PLCXD3: variants seen among roughly 807,000 people sequenced by gnomAD.
PLCXD3 encodes phosphatidylinositol specific phospholipase C X domain containing 3.
In PLCXD3, 19 loss-of-function variants were observed where a neutral mutation model predicts 25.5. That is an observed-to-expected ratio of 0.75 (90% confidence interval 0.52 to 1.09). The LOEUF is 1.09. PLCXD3 is among the 50% of genes least tolerant of loss of function. The pLI, the probability that PLCXD3 is intolerant of heterozygous loss-of-function variation, is 0.00. For missense variants in PLCXD3, 411 were observed against 388.1 expected (o/e 1.06, Z -0.50); for synonymous variants, 174 against 137.6 (o/e 1.26, Z -1.85).
In PLCXD3 at chr5:41,311,513, A is replaced by G. The variant is rs1365410548; in HGVS notation, c.*2104T>C. The stretch of plus-strand genomic sequence containing the variant: ...TCAATGTCTTCATTTGAAAAGAAGA[A>G]TTGTACTGTGTCCATATCTGTGTGT... On this transcript the variant is annotated 3_prime_UTR_variant, in exon 3 of 3. Coordinates refer to ENST00000377801, the MANE Select transcript of PLCXD3 (RefSeq NM_001005473.3). 1 of 152,112 alleles carries G rather than the reference A, an allele frequency of 6.6e-6. No homozygotes were observed. Among genetic ancestry groups the G allele is most frequent in the Non-Finnish European group, 1.5e-5 (1 of 67,986 alleles). The allele number at this position is 152,112 out of a possible 1,614,324, so 9.4% of individuals were successfully genotyped here.
chr5:41,475,159 A>G (rs930811867), intron 1 of PLCXD3, among the ~76,000 whole-genome samples: 5 of 152,316 alleles, frequency 3.3e-5, no homozygotes, highest in Admixed American at 2.0e-4. Flanking sequence ...GAAAAGAAAT[A>G]ACAAAATTAT....
At chr5:41,416,851 C>A (rs1189548626) in intron 1 of PLCXD3, among the ~76,000 whole-genome samples, 1 of 152,018 alleles carries the variant, frequency 6.6e-6, no homozygotes, top group Non-Finnish European at 1.5e-5. Context: ...TAGCAGAGCC[C>A]CAGAGTACAA....
chr5:41,474,422 T>C (rs1381393573), intron 1 of PLCXD3, among the ~76,000 whole-genome samples: 2 of 152,240 alleles, frequency 1.3e-5, no homozygotes, highest in African/African-American at 4.8e-5. Flanking sequence ...TTTACTCAGA[T>C]AGCTTCCAAT....
At chr5:41,503,082 C>G (rs1037243458) in intron 1 of PLCXD3, among the ~76,000 whole-genome samples, 23 of 152,156 alleles carry the variant, frequency 1.5e-4, no homozygotes, top group African/African-American at 5.6e-4. Context: ...ACTCTTCTTC[C>G]TCCTCTAAAT....
chr5:41,451,424 C>T (rs1323736041), intron 1 of PLCXD3, among the ~76,000 whole-genome samples: 1 of 151,914 alleles, frequency 6.6e-6, no homozygotes, highest in African/African-American at 2.4e-5. Flanking sequence ...CATTTAAGTG[C>T]CTCTGATTGC....
chr5:41,321,490 A>C lies in PLCXD3; in HGVS notation c.813-7720T>G, dbSNP rs79991013. Among the ~76,000 whole-genome samples the C allele has an allele frequency of 3.4e-3, 521 of 152,336 alleles. 3 individuals carry two copies. The highest frequency in any genetic ancestry group is 0.012 in the African/African-American group (504 of 41,578). On this transcript the variant is annotated intron_variant, in intron 2 of 2. Transcript: ENST00000377801. ...AGATTGAAAGAATCAATACTGTTAA[A>C]GTGTCCATACTACTCAAAGCAGTCT...
At chr5:41,348,893 GAAAATTTGCC>G (rs1022584643) in intron 2 of PLCXD3, among the ~76,000 whole-genome samples, 1 of 152,130 alleles carries the variant, frequency 6.6e-6, no homozygotes, top group Non-Finnish European at 1.5e-5. Context: ...CTGAGCTCTG[GAAAATTTGCC>G]AAAAGAAGTG....
intron 1 of PLCXD3, among the ~76,000 whole-genome samples, chr5:41,488,635 C>A (rs1261753052): frequency 0.011 from 1,517 of 132,234 alleles, 23 homozygotes; most frequent in African/African-American, 0.028. Flanking sequence ...CTGGTGTGAG[C>A]TGGTATCTCA....
chr5:41,469,422 C>G (rs1487973207), intron 1 of PLCXD3, among the ~76,000 whole-genome samples: 1 of 151,322 alleles, frequency 6.6e-6, no homozygotes, highest in African/African-American at 2.4e-5. Context: ...TCTGGAAGAG[C>G]TTCAAAACAT....
chr5:41,455,941 A>G (rs1747742859), intron 1 of PLCXD3, among the ~76,000 whole-genome samples: 1 of 151,970 alleles, frequency 6.6e-6, no homozygotes, highest in Non-Finnish European at 1.5e-5. Flanking sequence ...AAAACAATGC[A>G]TGTAAGATTG....
intron 1 of PLCXD3, among the ~76,000 whole-genome samples, chr5:41,404,074 C>T (rs765056749): frequency 1.3e-5 from 2 of 152,096 alleles, no homozygotes; most frequent in Non-Finnish European, 2.9e-5. Context: ...GCAAATGACT[C>T]ATATAAATTG....
intron 1 of PLCXD3, among the ~76,000 whole-genome samples, chr5:41,459,012 A>G (rs545081388): frequency 9.9e-5 from 15 of 152,038 alleles, no homozygotes; most frequent in Non-Finnish European, 1.8e-4. Flanking sequence ...AGACATTCCT[A>G]TAGAATATTG....
intron 2 of PLCXD3, among the ~76,000 whole-genome samples, chr5:41,315,385 G>A (rs1237564123): frequency 6.6e-6 from 1 of 151,488 alleles, no homozygotes; most frequent in Non-Finnish European, 1.5e-5. Flanking sequence ...GTATAAAAAA[G>A]GTAAGGTAGT....
chr5:41,414,062 A>G (rs1341683065), intron 1 of PLCXD3, among the ~76,000 whole-genome samples: 6 of 152,088 alleles, frequency 3.9e-5, no homozygotes, highest in Non-Finnish European at 7.4e-5. Flanking sequence ...TCTGGGCCTA[A>G]CCAAGCAGTA....
Position 41,382,507 on chromosome 5 carries a change from A to G in PLCXD3, c.131T>C (p.Ile44Thr), listed in dbSNP as rs143853661. ...PGSHDSFSFY[I>T]DEASPVGPEQ... ...AGGACCTACTGGAGAGGCTTCATCA[A>G]TGTAGAAGCTGAAGGAATCATGAGA... The change falls in exon 2 of 3, where the codon ATT becomes ACT. Residue 44 changes from isoleucine to threonine, a missense_variant. By Grantham distance (89) the Ile-to-Thr change is moderately conservative. Coordinates refer to ENST00000377801, the MANE Select transcript of PLCXD3 (RefSeq NM_001005473.3). 3 of 1,601,702 alleles carry G rather than the reference A, an allele frequency of 1.9e-6. No homozygotes were observed. Among genetic ancestry groups the G allele is most frequent in the Admixed American group, 1.7e-5 (1 of 59,414 alleles).
chr5:41,471,077 T>A (rs1050244302), intron 1 of PLCXD3, among the ~76,000 whole-genome samples: 5 of 152,140 alleles, frequency 3.3e-5, no homozygotes, highest in African/African-American at 1.2e-4. Flanking sequence ...GGGGTCAGTG[T>A]ATAAAAAATT....
At chr5:41,505,171 A>G (rs1358625262) in intron 1 of PLCXD3, among the ~76,000 whole-genome samples, 1 of 152,180 alleles carries the variant, frequency 6.6e-6, no homozygotes, top group Admixed American at 6.5e-5. Context: ...GCCTTAACGT[A>G]TGAACATTGT....
At chr5:41,378,693 C>T (rs558194889) in intron 2 of PLCXD3, among the ~76,000 whole-genome samples, 1 of 152,172 alleles carries the variant, frequency 6.6e-6, no homozygotes, top group East Asian at 1.9e-4. Context: ...GGATTCATCA[C>T]TAAAATATTC....
At chr5:41,374,256 T>A (rs1745212833) in intron 2 of PLCXD3, among the ~76,000 whole-genome samples, 1 of 152,080 alleles carries the variant, frequency 6.6e-6, no homozygotes, top group Non-Finnish European at 1.5e-5. Flanking sequence ...GACTATTAAA[T>A]CAGAATCTCT....
Sources: allele counts gnomAD v4.1 joint callset (sites outside exome capture counted in the v4.1 genomes callset), GRCh38; gene constraint gnomAD v4.1.1; transcripts MANE v1.5; gene names NCBI Gene and HGNC (gene_info 2026-07-23, HGNC 2026-07-21).